Variants in PDE4D observed in about 807,000 individuals in gnomAD.
PDE4D encodes the protein 3',5'-cyclic-AMP phosphodiesterase 4D.
A neutral mutation model predicts 87.4 loss-of-function variants in PDE4D; 24 were observed. The ratio of observed to expected loss-of-function variants is 0.27; its 90% CI spans 0.20 to 0.39. PDE4D has a LOEUF of 0.39. Among genes scored for constraint, PDE4D ranks in the 10% least tolerant of loss-of-function variants. The pLI is 1.00. For synonymous variants in PDE4D, 384 were observed against 383.2 expected (o/e 1.00, Z -0.02); for missense variants, 714 against 1,041.0 (o/e 0.69, Z 4.32).
chr5:59,691,166 T>C (rs1750848205), intron 1 of PDE4D, among the ~76,000 whole-genome samples: 1 of 152,212 alleles, frequency 6.6e-6, no homozygotes, highest in South Asian at 2.1e-4. Context: ...AGTGTGGCGA[T>C]TCCTCAAGGA....
chr5:60,222,705 T>A (rs913722224), intron 1 of PDE4D, among the ~76,000 whole-genome samples: 2 of 152,156 alleles, frequency 1.3e-5, no homozygotes, highest in Admixed American at 6.6e-5. Context: ...TCAATGAGGT[T>A]TAAATTTATA....
chr5:60,285,712 C>T (rs2149758785), intron 1 of PDE4D, among the ~76,000 whole-genome samples: 1 of 152,316 alleles, frequency 6.6e-6, no homozygotes, highest in Middle Eastern at 3.4e-3. Context: ...CCAGCCTCAG[C>T]TCCCTGCTAC....
intron 1 of PDE4D, among the ~76,000 whole-genome samples, chr5:59,717,417 A>G (rs1755190057): frequency 6.6e-6 from 1 of 152,222 alleles, no homozygotes; most frequent in Non-Finnish European, 1.5e-5. Context: ...CTGTAACCTT[A>G]TCTTTATTTC....
At chr5:59,991,707 GC>G (rs1265034537) in intron 2 of PDE4D, among the ~76,000 whole-genome samples, 7 of 152,272 alleles carry the variant, frequency 4.6e-5, no homozygotes, top group African/African-American at 1.7e-4. Context: ...GAAAGCATAT[GC>G]ACTTGGAACA....
At chr5:60,088,490 G>A (rs942478484) in intron 2 of PDE4D, among the ~76,000 whole-genome samples, 1 of 151,912 alleles carries the variant, frequency 6.6e-6, no homozygotes, top group African/African-American at 2.4e-5. Context: ...ATAAAAATAT[G>A]TAAATTGAAA....
intron 1 of PDE4D, among the ~76,000 whole-genome samples, chr5:59,265,738 G>C (rs561145285): frequency 6.6e-6 from 1 of 152,100 alleles, no homozygotes; most frequent in South Asian, 2.1e-4. Context: ...ATTTAGGCAA[G>C]CCACTTTACT....
chr5:59,889,959 T>A (rs1456632329), intron 1 of PDE4D, among the ~76,000 whole-genome samples: 1 of 152,184 alleles, frequency 6.6e-6, no homozygotes, highest in African/African-American at 2.4e-5. Context: ...CTTAAAAGAA[T>A]TGACCACAAA....
chr5:59,418,402 T>G (rs1270114360), intron 1 of PDE4D, among the ~76,000 whole-genome samples: 1 of 152,214 alleles, frequency 6.6e-6, no homozygotes, highest in Admixed American at 6.5e-5. Context: ...TTTGTGAGAT[T>G]GTTCTCCCAG....
chr5:60,494,734 A>G (rs559222973), intron 1 of PDE4D, among the ~76,000 whole-genome samples: 31 of 152,234 alleles, frequency 2.0e-4, no homozygotes, highest in Non-Finnish European at 3.5e-4. Flanking sequence ...TCCAAGTGGC[A>G]TGTCATTTCA....
At chr5:59,681,820 G>A (rs1056914943) in intron 1 of PDE4D, among the ~76,000 whole-genome samples, 23 of 147,388 alleles carry the variant, frequency 1.6e-4, no homozygotes, top group South Asian at 2.1e-4. Flanking sequence ...GGAGAATGGC[G>A]AACCCGGGAG....
intron 1 of PDE4D, among the ~76,000 whole-genome samples, chr5:60,370,246 C>T (rs1760906349): frequency 6.6e-6 from 1 of 152,102 alleles, no homozygotes; most frequent in African/African-American, 2.4e-5. Flanking sequence ...TGGTTCACAG[C>T]CATTGCCCTG....
At chr5:59,988,492 T>G (rs1762666582) in exon 3 of PDE4D, 1 of 1,588,112 alleles carries the variant, frequency 6.3e-7, no homozygotes. Flanking sequence ...ACTCACCCAC[T>G]GGATTCTGCA....
intron 1 of PDE4D, among the ~76,000 whole-genome samples, chr5:59,717,729 A>G (rs1001876049): frequency 1.3e-5 from 2 of 152,238 alleles, no homozygotes; most frequent in African/African-American, 4.8e-5. Context: ...CATTCCAGCT[A>G]GCACAGACAA....
chr5:59,970,017 C>G (rs1561925309), intron 3 of PDE4D, among the ~76,000 whole-genome samples: 1 of 152,154 alleles, frequency 6.6e-6, no homozygotes, highest in Non-Finnish European at 1.5e-5. Flanking sequence ...AACAAGGACA[C>G]CTGTAACAAA....
chr5:59,600,369 T>C (rs1313611214), intron 1 of PDE4D, among the ~76,000 whole-genome samples: 2 of 152,162 alleles, frequency 1.3e-5, no homozygotes, highest in Admixed American at 6.6e-5. Context: ...GCTATGACTG[T>C]CCATCCTGTG....
chr5:59,527,819 A>G (rs930685055), intron 1 of PDE4D, among the ~76,000 whole-genome samples: 1 of 152,212 alleles, frequency 6.6e-6, no homozygotes, highest in Admixed American at 6.5e-5. Flanking sequence ...CTAACATACA[A>G]TCACCATGAG....
At chr5:59,664,894 T>C (rs1384785163) in intron 1 of PDE4D, among the ~76,000 whole-genome samples, 1 of 152,228 alleles carries the variant, frequency 6.6e-6, no homozygotes, top group Non-Finnish European at 1.5e-5. Flanking sequence ...CTTCCAGTTT[T>C]CTGTGGATAG....
chr5:59,474,407 T>C (rs1358145495), intron 1 of PDE4D, among the ~76,000 whole-genome samples: 1 of 152,178 alleles, frequency 6.6e-6, no homozygotes, highest in African/African-American at 2.4e-5. Flanking sequence ...GTCTACCAAA[T>C]ACTTCTAGCT....
chr5:59,346,538 C>A (rs1469302907), intron 1 of PDE4D, among the ~76,000 whole-genome samples: 1 of 152,020 alleles, frequency 6.6e-6, no homozygotes, highest in Non-Finnish European at 1.5e-5. Flanking sequence ...TTTCTTCTTT[C>A]CCTTTCTTGG....
Sources: allele counts gnomAD v4.1 joint callset (sites outside exome capture counted in the v4.1 genomes callset), GRCh38; gene constraint gnomAD v4.1.1; transcripts MANE v1.5; gene names NCBI Gene and HGNC (gene_info 2026-07-23, HGNC 2026-07-21).